The following JAKMIP2 variants were observed in gnomAD, a reference collection of about 807,000 sequenced individuals.
The protein encoded by JAKMIP2 is janus kinase and microtubule interacting protein 2.
JAKMIP2 carries 25 observed loss-of-function variants against 115.0 expected under a neutral mutation model. The ratio of observed to expected loss-of-function variants is 0.22; its 90% CI spans 0.16 to 0.30. JAKMIP2 has a LOEUF of 0.30. Ranked by LOEUF, JAKMIP2 falls within the 10% of genes least tolerant of loss-of-function variation. The probability of loss-of-function intolerance (pLI) is 1.00; values close to 1 mark genes in which losing one functional copy is unlikely to be tolerated. For missense variants in JAKMIP2, 642 were observed against 957.6 expected (o/e 0.67, Z 4.35); for synonymous variants, 334 against 343.6 (o/e 0.97, Z 0.31).
At chr5:147,595,317 A>G in intron 21 of JAKMIP2, 1 of 365,720 alleles carries the variant, frequency 2.7e-6, no homozygotes, top group Non-Finnish European at 5.6e-6. Context: ...TTAGGAGGTT[A>G]TTAGGCCATG....
chr5:147,604,497 T>A (rs1755889912), intron 20 of JAKMIP2, among the ~76,000 whole-genome samples: 2 of 152,058 alleles, frequency 1.3e-5, no homozygotes, highest in Non-Finnish European at 2.9e-5. Flanking sequence ...TATATAAAAA[T>A]CTGGATGCCT....
intron 1 of JAKMIP2, among the ~76,000 whole-genome samples, chr5:147,697,556 G>T (rs936109445): frequency 2.6e-5 from 4 of 152,202 alleles, no homozygotes; most frequent in Non-Finnish European, 4.4e-5. Context: ...GGAAAAAATG[G>T]TTACATAGGT....
At chr5:147,608,774 T>G (rs1756158014) in intron 20 of JAKMIP2, among the ~76,000 whole-genome samples, 1 of 152,144 alleles carries the variant, frequency 6.6e-6, no homozygotes, top group African/African-American at 2.4e-5. Context: ...GACAGTGGGG[T>G]GTTAAAGTTT....
In JAKMIP2 at chr5:147,648,268, A is replaced by G. The variant is rs190435245; in HGVS notation, c.936+108T>C. 14 of 629,710 alleles carry G rather than the reference A, an allele frequency of 2.2e-5. No homozygotes were observed. The Admixed American group carries it at 3.7e-4, about 17-fold the overall frequency. 39.0% of individuals were successfully genotyped at this position (629,710 alleles called of 1,614,324 possible). On this transcript the variant is annotated intron_variant, in intron 5 of 21. Transcript: ENST00000616793. The stretch of plus-strand genomic sequence containing the variant: ...TGAATATCTATTGAATGGTATCTTT[A>G]TTATTTGTACACTTTTCTCTATTAT...
Position 147,591,519 on chromosome 5 carries a change from G to T in JAKMIP2, c.*188C>A. 1.4e-6 allele frequency: 1 copy of T among 704,836 alleles called. No homozygotes were observed. The allele number at this position is 704,836 out of a possible 1,614,324, so 43.7% of individuals were successfully genotyped here. On this transcript the variant is annotated 3_prime_UTR_variant, in exon 22 of 22. Coordinates refer to ENST00000616793, the MANE Select transcript of JAKMIP2 (RefSeq NM_001270941.2). ...TTTTCAACAGGGTTGTGTAGGAACT[G>T]TCAAGTAAGAAACCTTGAATAATGG...
intron 1 of JAKMIP2, among the ~76,000 whole-genome samples, chr5:147,755,837 G>C (rs1361063757): frequency 6.6e-6 from 1 of 151,994 alleles, no homozygotes; most frequent in Non-Finnish European, 1.5e-5. Context: ...AAAGTAACTA[G>C]TCCATACACA....
At chr5:147,596,342 A>C (rs950758325) in intron 21 of JAKMIP2, among the ~76,000 whole-genome samples, 3 of 152,160 alleles carry the variant, frequency 2.0e-5, no homozygotes, top group Non-Finnish European at 2.9e-5. Context: ...ATGAGTTATA[A>C]GAATGTCTAT....
Position 147,590,893 on chromosome 5 carries a change from G to T in JAKMIP2, c.*814C>A, listed in dbSNP as rs1322874471. 1 of 152,218 alleles carries T rather than the reference G, an allele frequency of 6.6e-6. No homozygotes were observed. Among genetic ancestry groups the T allele is most frequent in the Non-Finnish European group, 1.5e-5 (1 of 68,054 alleles). 9.4% of individuals were successfully genotyped at this position (152,218 alleles called of 1,614,324 possible). ...AATGCAGATGTGAGAGTAGGACAAG[G>T]AAGCATCGAATCTGCTTTTATTTCA... is the stretch of plus-strand genomic sequence containing the variant. On this transcript the variant is annotated 3_prime_UTR_variant, in exon 22 of 22. Coordinates refer to ENST00000616793, the MANE Select transcript of JAKMIP2 (RefSeq NM_001270941.2).
intron 1 of JAKMIP2, among the ~76,000 whole-genome samples, chr5:147,742,157 T>TATATATATATATATATATATATATATATA (rs1561571114): frequency 2.4e-5 from 2 of 84,974 alleles, no homozygotes; most frequent in African/African-American, 1.3e-4. Flanking sequence ...ATATATATAT[T>TATATATATATATATATATATATATATATA]TTTTTTACTA....
chr5:147,745,953 T>C (rs902289297), intron 1 of JAKMIP2, among the ~76,000 whole-genome samples: 2 of 152,200 alleles, frequency 1.3e-5, no homozygotes, highest in Non-Finnish European at 2.9e-5. Context: ...AGGAGTACAA[T>C]ATTATATATA....
At chr5:147,667,656 C>T (rs1381329382) in intron 2 of JAKMIP2, among the ~76,000 whole-genome samples, 4 of 152,132 alleles carry the variant, frequency 2.6e-5, no homozygotes, top group African/African-American at 4.8e-5. Flanking sequence ...AGGAGTCGCT[C>T]TAGGAAGATT....
At chr5:147,701,723 T>C (rs1446333740) in intron 1 of JAKMIP2, among the ~76,000 whole-genome samples, 1 of 152,194 alleles carries the variant, frequency 6.6e-6, no homozygotes, top group African/African-American at 2.4e-5. Context: ...CCAAGGAGGC[T>C]TGTTTGCCCC....
intron 1 of JAKMIP2, among the ~76,000 whole-genome samples, chr5:147,678,224 G>A (rs370826812): frequency 2.0e-5 from 3 of 152,190 alleles, no homozygotes; most frequent in Middle Eastern, 3.4e-3. Flanking sequence ...GGCTGGTCTC[G>A]AACTTCTAAC....
chr5:147,640,250 A>C (rs954104455), intron 9 of JAKMIP2, among the ~76,000 whole-genome samples: 1 of 152,210 alleles, frequency 6.6e-6, no homozygotes, highest in Non-Finnish European at 1.5e-5. Flanking sequence ...GAAACAATGC[A>C]GACTGGGGTG....
At chr5:147,715,150 T>C (rs1008295579) in intron 1 of JAKMIP2, among the ~76,000 whole-genome samples, 8 of 152,048 alleles carry the variant, frequency 5.3e-5, no homozygotes, top group African/African-American at 1.9e-4. Context: ...AACACAAAGA[T>C]TAGTCTATAA....
intron 3 of JAKMIP2, among the ~76,000 whole-genome samples, chr5:147,657,173 G>C (rs1352092111): frequency 6.6e-6 from 1 of 152,072 alleles, no homozygotes; most frequent in African/African-American, 2.4e-5. Flanking sequence ...CCGGCTATTC[G>C]GGAGGCTGAG....
At chr5:147,716,065 A>C (rs1580823638) in intron 1 of JAKMIP2, among the ~76,000 whole-genome samples, 1 of 141,028 alleles carries the variant, frequency 7.1e-6, no homozygotes, top group East Asian at 2.3e-4. Context: ...TCATTGTTCA[A>C]TTCCCACGTA....
At chr5:147,749,019 A>T (rs1001744182) in intron 1 of JAKMIP2, among the ~76,000 whole-genome samples, 1 of 152,196 alleles carries the variant, frequency 6.6e-6, no homozygotes, top group Non-Finnish European at 1.5e-5. Context: ...AACCTCGGTT[A>T]TTACCTCAGA....
At chr5:147,664,489 G>C (rs1347298941) in intron 2 of JAKMIP2, among the ~76,000 whole-genome samples, 1 of 152,128 alleles carries the variant, frequency 6.6e-6, no homozygotes, top group African/African-American at 2.4e-5. Context: ...CTCGTACCCA[G>C]ATGCCACAGT....
Sources: allele counts gnomAD v4.1 joint callset (sites outside exome capture counted in the v4.1 genomes callset), GRCh38; gene constraint gnomAD v4.1.1; transcripts MANE v1.5; gene names NCBI Gene and HGNC (gene_info 2026-07-23, HGNC 2026-07-21).